The following IL7 variants were observed in gnomAD, a reference collection of about 807,000 sequenced individuals.
IL7 encodes the protein interleukin 7.
In IL7, 3 loss-of-function variants were observed where a neutral mutation model predicts 21.6. That is an observed-to-expected ratio of 0.14 (90% confidence interval 0.06 to 0.36). The LOEUF is 0.36. Among genes scored for constraint, IL7 ranks in the 10% least tolerant of loss-of-function variants. The pLI, the probability that IL7 is intolerant of heterozygous loss-of-function variation, is 1.00. For synonymous variants in IL7, 62 were observed against 68.1 expected, an observed-to-expected ratio of 0.91 and a Z score of 0.44; for missense variants, 175 against 200.2, an observed-to-expected ratio of 0.87 and a Z score of 0.76.
At position 78,804,992 on chromosome 8, in the gene IL7, T is replaced by C; in HGVS notation, c.-70A>G. 6.4e-7 allele frequency: 1 copy of C among 1,558,406 alleles called. No individual in the cohort carries two copies. Among genetic ancestry groups the C allele is most frequent in the East Asian group, 2.3e-5 (1 of 43,150 alleles). ...AGGAGCAAGCTCTCACCGCCCATAGTCACTCCCAGGACCCTGGTCTTCCGC... is the reference window on the plus strand; with the variant it reads ...AGGAGCAAGCTCTCACCGCCCATAGCCACTCCCAGGACCCTGGTCTTCCGC... On this transcript the variant is annotated 5_prime_UTR_variant, in exon 1 of 6. Coordinates refer to ENST00000263851, the MANE Select transcript of IL7 (RefSeq NM_000880.4).
Position 78,733,127 on chromosome 8 carries a change from T to G in IL7, c.*586A>C, listed in dbSNP as rs571728218. 1.1e-4 allele frequency: 17 copies of G among 152,230 alleles called. No homozygotes were observed. The highest frequency in any genetic ancestry group is 1.0e-3 in the Admixed American group (16 of 15,280). 9.4% of individuals were successfully genotyped at this position (152,230 alleles called of 1,614,324 possible). A position where few individuals can be genotyped will look rare whatever the true frequency, so the allele number is the denominator to read the frequency against. On this transcript the variant is annotated 3_prime_UTR_variant, in exon 6 of 6. Coordinates refer to ENST00000263851, the MANE Select transcript of IL7 (RefSeq NM_000880.4). ...AAGGCACTGTGTTACACATTCATGATTAATTAAATCTCTTGAAATCTCTTT... is the reference window on the plus strand; with the variant it reads ...AAGGCACTGTGTTACACATTCATGAGTAATTAAATCTCTTGAAATCTCTTT...
intron 3 of IL7, among the ~76,000 whole-genome samples, chr8:78,692,073 G>T (rs1810229691): frequency 6.6e-6 from 1 of 151,966 alleles, no homozygotes; most frequent in South Asian, 2.1e-4. Context: ...TTGCAATTTT[G>T]AAAGGTATAA....
chr8:78,760,122 A>C, intron 2 of IL7: 1 of 1,503,576 alleles, frequency 6.7e-7, no homozygotes, highest in Non-Finnish European at 8.8e-7. Flanking sequence ...AATATAAGAA[A>C]GCCTGTTTTT....
At chr8:78,747,594 AT>A (rs1812027498) in intron 2 of IL7, among the ~76,000 whole-genome samples, 1 of 152,162 alleles carries the variant, frequency 6.6e-6, no homozygotes, top group African/African-American at 2.4e-5. Flanking sequence ...TTCTATCTCA[AT>A]TGCTACAATT....
intron 2 of IL7, among the ~76,000 whole-genome samples, chr8:78,776,414 G>T (rs1361484929): frequency 6.6e-6 from 1 of 152,094 alleles, no homozygotes; most frequent in African/African-American, 2.4e-5. Flanking sequence ...TTCCATAGAA[G>T]ATTTTTGAAC....
chr8:78,757,847 G>T (rs1289110745), intron 2 of IL7, among the ~76,000 whole-genome samples: 1 of 152,020 alleles, frequency 6.6e-6, no homozygotes, highest in East Asian at 1.9e-4. Flanking sequence ...CCCATGTGTT[G>T]TGGGAGGGAC....
At chr8:78,776,563 T>C (rs543108881) in intron 2 of IL7, among the ~76,000 whole-genome samples, 71 of 152,202 alleles carry the variant, frequency 4.7e-4, no homozygotes, top group Middle Eastern at 3.4e-3. Context: ...TTTTCAAATA[T>C]TACAGGTTTT....
Position 78,724,769 on chromosome 8 carries a change from C to T in IL7, n.268-3329G>A, listed in dbSNP as rs75527145. Among the ~76,000 whole-genome samples the T allele has an allele frequency of 9.5e-3, 1,442 of 152,092 alleles. 10 individuals are homozygous for T. Among genetic ancestry groups the T allele is most frequent in the Non-Finnish European group, 0.016 (1,081 of 67,966 alleles). ...TCTCTGAGGCAGTCTATTCTCATGC[C>T]GTTCCCTTTTAGTAAACACTGTCAT... is the stretch of plus-strand genomic sequence containing the variant. On this transcript the variant is annotated intron_variant and non_coding_transcript_variant, in intron 3 of 6. Transcript: ENST00000519833.
downstream of IL7, chr8:78,717,660 ATGTG>A: frequency 3.2e-6 from 2 of 625,654 alleles, no homozygotes; most frequent in Non-Finnish European, 5.3e-6. Flanking sequence ...GTATGTTTAT[ATGTG>A]TACATATACT....
intron 3 of IL7, among the ~76,000 whole-genome samples, chr8:78,695,038 A>C (rs567013792): frequency 6.6e-6 from 1 of 152,268 alleles, no homozygotes; most frequent in Non-Finnish European, 1.5e-5. Flanking sequence ...AATAGATAGA[A>C]TATAGCTCAG....
chr8:78,761,761 T>C, intron 2 of IL7: 1 of 1,612,018 alleles, frequency 6.2e-7, no homozygotes, highest in Non-Finnish European at 8.5e-7. Context: ...TAACTGCTGT[T>C]GTCTCAAACC....
intron 3 of IL7, among the ~76,000 whole-genome samples, chr8:78,698,219 G>A (rs973559326): frequency 2.0e-5 from 3 of 152,142 alleles, no homozygotes; most frequent in Non-Finnish European, 2.9e-5. Context: ...TCAATTATAA[G>A]AGGGACATTT....
chr8:78,728,722 C>A (rs1287177135), downstream of IL7, among the ~76,000 whole-genome samples: 1 of 151,946 alleles, frequency 6.6e-6, no homozygotes, highest in Non-Finnish European at 1.5e-5. Flanking sequence ...ACATTTTTGA[C>A]TGTCAGTACT....
At chr8:78,678,491 T>C in intron 4 of IL7, 2 of 1,165,196 alleles carry the variant, frequency 1.7e-6, no homozygotes, top group South Asian at 1.5e-5. Flanking sequence ...CTGGTCTCAA[T>C]GTAAATAAAG....
chr8:78,740,319 T>C (rs1166862042), intron 2 of IL7, among the ~76,000 whole-genome samples: 1 of 152,116 alleles, frequency 6.6e-6, no homozygotes, highest in African/African-American at 2.4e-5. Context: ...CATAATTGAA[T>C]CCCAGAATTC....
At chr8:78,780,540 T>C (rs946205587) in intron 2 of IL7, among the ~76,000 whole-genome samples, 26 of 152,168 alleles carry the variant, frequency 1.7e-4, no homozygotes, top group South Asian at 4.1e-4. Flanking sequence ...ATTGTATGCT[T>C]TTGAGTGAGT....
At chr8:78,761,863 A>T in intron 2 of IL7, 2 of 1,611,912 alleles carry the variant, frequency 1.2e-6, no homozygotes, top group Non-Finnish European at 1.7e-6. Context: ...GGATTTCATC[A>T]GCCTCATGTC....
intron 3 of IL7, among the ~76,000 whole-genome samples, chr8:78,696,570 A>C (rs1314577494): frequency 6.6e-6 from 1 of 152,204 alleles, no homozygotes; most frequent in African/African-American, 2.4e-5. Flanking sequence ...AATTTGGCTC[A>C]AAAAGAGAAA....
At chr8:78,675,540 A>G (rs1809552783), downstream of IL7, among the ~76,000 whole-genome samples, 1 of 151,984 alleles carries the variant, frequency 6.6e-6, no homozygotes, top group South Asian at 2.1e-4. Context: ...AAAACTAGAT[A>G]TTTCCAGCAG....
Sources: gnomAD v4.1 joint callset for allele counts (sites outside exome capture counted in the v4.1 genomes callset) on GRCh38, gnomAD v4.1.1 for gene constraint, MANE v1.5 for transcripts, NCBI Gene and HGNC (gene_info 2026-07-23, HGNC 2026-07-21) for gene names.